CDYL2: variants seen among roughly 807,000 people sequenced by gnomAD.
The protein encoded by CDYL2 is chromodomain Y-like protein 2.
In CDYL2, 23 loss-of-function variants were observed where a neutral mutation model predicts 49.4. The ratio of observed to expected loss-of-function variants is 0.47; its 90% CI spans 0.34 to 0.66. CDYL2 has a LOEUF of 0.66. Among genes scored for constraint, CDYL2 ranks in the 30% least tolerant of loss-of-function variants. The probability of loss-of-function intolerance (pLI) is 0.01; values close to 1 mark genes in which losing one functional copy is unlikely to be tolerated. For missense variants in CDYL2, 678 were observed against 656.4 expected (o/e 1.03, Z -0.36); for synonymous variants, 360 against 268.8 (o/e 1.34, Z -3.32).
At chr16:80,687,768 A>T (rs1910257069) in intron 1 of CDYL2, among the ~76,000 whole-genome samples, 1 of 152,186 alleles carries the variant, frequency 6.6e-6, no homozygotes, top group South Asian at 2.1e-4. Flanking sequence ...GCAAGTTATT[A>T]AACCTCTTTG....
intron 1 of CDYL2, among the ~76,000 whole-genome samples, chr16:80,726,631 A>G (rs1905170922): frequency 1.3e-5 from 2 of 152,212 alleles, no homozygotes; most frequent in Admixed American, 1.3e-4. Context: ...TAGCATTCAG[A>G]TCTTGGTTCT....
chr16:80,756,584 A>C (rs35134902), intron 1 of CDYL2, among the ~76,000 whole-genome samples: 1 of 152,028 alleles, frequency 6.6e-6, no homozygotes, highest in African/African-American at 2.4e-5. Context: ...GGCTGTTAAG[A>C]ATGATCTCTG....
In CDYL2 at chr16:80,758,824, G is replaced by A. The variant is rs111767857; in HGVS notation, c.24+45326C>T. Among the ~76,000 whole-genome samples, 351 of 151,590 alleles carry A rather than the reference G, an allele frequency of 2.3e-3. 1 individual carries two copies. Among genetic ancestry groups the A allele is most frequent in the African/African-American group, 8.0e-3 (332 of 41,370 alleles). On this transcript the variant is annotated intron_variant, in intron 1 of 6. Coordinates refer to ENST00000570137, the MANE Select transcript of CDYL2 (RefSeq NM_152342.4). ...CCCAAAGTGCCGGGATTACAGGCGTGAGCCACCACGCCCGGCCTGCTGCAG... is the reference window on the plus strand; with the variant it reads ...CCCAAAGTGCCGGGATTACAGGCGTAAGCCACCACGCCCGGCCTGCTGCAG...
intron 1 of CDYL2, among the ~76,000 whole-genome samples, chr16:80,733,531 C>A (rs1343011371): frequency 6.6e-6 from 1 of 152,142 alleles, no homozygotes; most frequent in African/African-American, 2.4e-5. Context: ...TAGGAAGCTG[C>A]AGTTTTTAAG....
intron 1 of CDYL2, among the ~76,000 whole-genome samples, chr16:80,725,838 C>T (rs1183685200): frequency 6.6e-6 from 1 of 152,208 alleles, no homozygotes; most frequent in Admixed American, 6.5e-5. Context: ...ATGAGGGAAT[C>T]CCCATTTTTT....
intron 1 of CDYL2, among the ~76,000 whole-genome samples, chr16:80,759,924 G>A (rs1427195966): frequency 6.6e-6 from 1 of 152,128 alleles, no homozygotes; most frequent in Non-Finnish European, 1.5e-5. Flanking sequence ...AACTGACTCA[G>A]ACTATTTAGA....
chr16:80,686,335 T>C (rs1213428163), intron 1 of CDYL2, among the ~76,000 whole-genome samples: 1 of 152,212 alleles, frequency 6.6e-6, no homozygotes, highest in Non-Finnish European at 1.5e-5. Flanking sequence ...ACTTTTTCAA[T>C]TAAAAGAAGG....
At chr16:80,608,517 T>A (rs1906446867) in intron 5 of CDYL2, among the ~76,000 whole-genome samples, 1 of 152,156 alleles carries the variant, frequency 6.6e-6, no homozygotes, top group Non-Finnish European at 1.5e-5. Context: ...GGCAGACCCA[T>A]GGGCATGGGT....
chr16:80,768,571 G>C (rs552107535), intron 1 of CDYL2, among the ~76,000 whole-genome samples: 1 of 152,144 alleles, frequency 6.6e-6, no homozygotes, highest in Non-Finnish European at 1.5e-5. Flanking sequence ...CACAAGGCAC[G>C]ATCAAGGTCC....
At chr16:80,705,984 C>G (rs774617307) in intron 1 of CDYL2, among the ~76,000 whole-genome samples, 3 of 152,220 alleles carry the variant, frequency 2.0e-5, no homozygotes, top group Non-Finnish European at 2.9e-5. Flanking sequence ...CTACCGTATG[C>G]TGGACACTCC....
At chr16:80,794,888 T>C (rs374585113) in intron 1 of CDYL2, among the ~76,000 whole-genome samples, 3 of 152,190 alleles carry the variant, frequency 2.0e-5, no homozygotes, top group Admixed American at 6.5e-5. Context: ...GCTGGGAGTA[T>C]AGGCATGAGC....
intron 1 of CDYL2, among the ~76,000 whole-genome samples, chr16:80,794,157 A>T (rs1462715191): frequency 6.6e-6 from 1 of 152,208 alleles, no homozygotes; most frequent in African/African-American, 2.4e-5. Flanking sequence ...GAGCAGAAGG[A>T]GCCAGTCTTC....
rs1365083695 is a variant in CDYL2, at chr16:80,600,597, G to A, written c.*3791C>T. On this transcript the variant is annotated 3_prime_UTR_variant, in exon 7 of 7. Coordinates refer to ENST00000570137, the MANE Select transcript of CDYL2 (RefSeq NM_152342.4). ...AGTCTTAAATACTGTGTATATTAGT[G>A]AGAGTGTCTAAACTAATATATACAA... 3.9e-5 allele frequency: 6 copies of A among 152,274 alleles called. No individual in the cohort carries two copies. In the East Asian group the frequency reaches 1.2e-3, roughly 29 times the overall value. The allele number at this position is 152,274 out of a possible 1,614,324, so 9.4% of individuals were successfully genotyped here. A position where few individuals can be genotyped will look rare whatever the true frequency, so the allele number is the denominator to read the frequency against.
chr16:80,737,610 C>A lies in CDYL2; in HGVS notation c.25-52481G>T, dbSNP rs369838424. Among the ~76,000 whole-genome samples, 10 of 152,282 alleles carry A rather than the reference C, an allele frequency of 6.6e-5. No homozygotes were observed. The South Asian group carries it at 8.3e-4, about 13-fold the overall frequency. ...CTAGTGGTGGTGGTTTTCTCTTTGT[C>A]TCTTTCTTGGCAAGTTTCTCCAAAG... On this transcript the variant is annotated intron_variant, in intron 1 of 6. Transcript: ENST00000570137.
At chr16:80,705,543 A>C (rs1904377382) in intron 1 of CDYL2, among the ~76,000 whole-genome samples, 1 of 152,252 alleles carries the variant, frequency 6.6e-6, no homozygotes, top group African/African-American at 2.4e-5. Context: ...CCCTGGCAGA[A>C]TCTGTTCTTC....
At chr16:80,795,127 G>C (rs1445623807) in intron 1 of CDYL2, among the ~76,000 whole-genome samples, 1 of 152,178 alleles carries the variant, frequency 6.6e-6, no homozygotes, top group Non-Finnish European at 1.5e-5. Flanking sequence ...AGAAGACAAG[G>C]TAATGAAAAT....
At chr16:80,626,414 A>C (rs575607672) in intron 3 of CDYL2, among the ~76,000 whole-genome samples, 1 of 152,146 alleles carries the variant, frequency 6.6e-6, no homozygotes, top group Non-Finnish European at 1.5e-5. Flanking sequence ...GTAGCAGGCA[A>C]TAATATTGTA....
chr16:80,771,495 G>A (rs965678970), intron 1 of CDYL2, among the ~76,000 whole-genome samples: 1 of 152,204 alleles, frequency 6.6e-6, no homozygotes, highest in Non-Finnish European at 1.5e-5. Context: ...CTTGTGGTCT[G>A]GAGTTTGAGA....
In CDYL2 at chr16:80,617,434, G is replaced by A. The variant is rs978658098; in HGVS notation, c.1007+3329C>T. Among the ~76,000 whole-genome samples, 10 of 152,320 alleles carry A rather than the reference G, an allele frequency of 6.6e-5. No individual in the cohort carries two copies. In the South Asian group the frequency reaches 1.0e-3, roughly 16 times the overall value. On this transcript the variant is annotated intron_variant, in intron 4 of 6. Transcript: ENST00000570137. ...TGCTAATACACCTAGAAAGTCCACA[G>A]GAGCAGGCACAGAACTTGCAGTATG...
Sources: gnomAD v4.1 joint callset for allele counts (sites outside exome capture counted in the v4.1 genomes callset) on GRCh38, gnomAD v4.1.1 for gene constraint, MANE v1.5 for transcripts, NCBI Gene and HGNC (gene_info 2026-07-23, HGNC 2026-07-21) for gene names.